The following UVRAG variants were observed in gnomAD, a reference collection of about 807,000 sequenced individuals.
UVRAG encodes the protein UV radiation resistance-associated gene protein.
In UVRAG, 19 loss-of-function variants were observed where a neutral mutation model predicts 78.0. The ratio of observed to expected loss-of-function variants is 0.24; its 90% CI spans 0.17 to 0.36. The LOEUF (loss-of-function observed/expected upper bound fraction) is 0.36, where lower values mean the gene tolerates loss of function less well. Ranked by LOEUF, UVRAG falls within the 10% of genes least tolerant of loss-of-function variation. The pLI, the probability that UVRAG is intolerant of heterozygous loss-of-function variation, is 1.00. For synonymous variants in UVRAG, 323 were observed against 324.6 expected (o/e 1.00, Z 0.05); for missense variants, 740 against 853.8 (o/e 0.87, Z 1.66).
At chr11:76,078,778 AAT>A (rs1951445515) in intron 13 of UVRAG, among the ~76,000 whole-genome samples, 2 of 145,560 alleles carry the variant, frequency 1.4e-5, no homozygotes, top group African/African-American at 5.3e-5. Context: ...AAAAAAAAAA[AAT>A]TAGCTGGGTG....
intron 1 of UVRAG, among the ~76,000 whole-genome samples, chr11:75,832,474 A>G (rs1411060954): frequency 6.6e-6 from 1 of 152,240 alleles, no homozygotes; most frequent in African/African-American, 2.4e-5. Context: ...ACCTGGGAAC[A>G]GCCAATGGAA....
chr11:76,103,536 GGTTTTT>G (rs1244494223), intron 13 of UVRAG, among the ~76,000 whole-genome samples: 1 of 135,842 alleles, frequency 7.4e-6, no homozygotes, highest in African/African-American at 3.0e-5. Flanking sequence ...TTGCTGTTTT[GGTTTTT>G]TTTTTTTTTT....
chr11:76,119,018 AG>A (rs1009715751), intron 14 of UVRAG, among the ~76,000 whole-genome samples: 2 of 152,200 alleles, frequency 1.3e-5, no homozygotes, highest in African/African-American at 4.8e-5. Context: ...TAATGCTTAC[AG>A]GTCTGTTTCT....
intron 14 of UVRAG, among the ~76,000 whole-genome samples, chr11:76,132,380 T>A (rs1489996453): frequency 6.6e-6 from 1 of 152,154 alleles, no homozygotes; most frequent in Non-Finnish European, 1.5e-5. Context: ...CAATCAAGAT[T>A]TAGTATTTTG....
chr11:75,899,189 A>G (rs574736292), intron 5 of UVRAG, among the ~76,000 whole-genome samples: 26 of 152,334 alleles, frequency 1.7e-4, no homozygotes, highest in African/African-American at 6.3e-4. Context: ...GCTTTATTAT[A>G]AAGCATCTAG....
At chr11:76,008,151 C>T (rs186300047) in intron 10 of UVRAG, among the ~76,000 whole-genome samples, 4 of 152,208 alleles carry the variant, frequency 2.6e-5, no homozygotes, top group Non-Finnish European at 4.4e-5. Flanking sequence ...ACCTCGTGAT[C>T]CACCCACCTC....
At chr11:76,066,182 T>G (rs1951182105) in intron 13 of UVRAG, among the ~76,000 whole-genome samples, 1 of 152,204 alleles carries the variant, frequency 6.6e-6, no homozygotes, top group South Asian at 2.1e-4. Context: ...CCTTTGCAAG[T>G]ACTTCATGGT....
In UVRAG at chr11:76,099,982, C is replaced by A. The variant is rs372118583; in HGVS notation, c.1306-15942C>A. Among the ~76,000 whole-genome samples, 47 of 152,108 alleles carry A rather than the reference C, an allele frequency of 3.1e-4. No individual in the cohort carries two copies. In the East Asian group the frequency reaches 8.7e-3, roughly 28 times the overall value. ...AACTGATTATGGTAGTAGTGAACATCTCTGTCTTATGCTGTGATTTTTGAC... is the reference window on the plus strand; with the variant it reads ...AACTGATTATGGTAGTAGTGAACATATCTGTCTTATGCTGTGATTTTTGAC... On this transcript the variant is annotated intron_variant, in intron 13 of 14. Transcript: ENST00000356136.
chr11:75,999,278 G>A (rs1196343751), intron 8 of UVRAG, among the ~76,000 whole-genome samples: 2 of 150,606 alleles, frequency 1.3e-5, no homozygotes, highest in East Asian at 3.9e-4. Flanking sequence ...AAAAATAATG[G>A]TGTTTGTGGG....
intron 3 of UVRAG, 63 bp from the exon 4 acceptor site, chr11:75,879,816 C>T: frequency 6.4e-7 from 1 of 1,554,014 alleles, no homozygotes; most frequent in Non-Finnish European, 8.7e-7. Context: ...GATTTGTCAC[C>T]TAATTGAAAT....
chr11:76,032,175 A>T (rs1196611386), intron 12 of UVRAG, among the ~76,000 whole-genome samples: 1 of 152,214 alleles, frequency 6.6e-6, no homozygotes, highest in Non-Finnish European at 1.5e-5. Context: ...TTAACTTCCA[A>T]AAGCATCTCA....
intron 13 of UVRAG, among the ~76,000 whole-genome samples, chr11:76,074,784 A>C (rs374025298): frequency 6.6e-6 from 1 of 152,188 alleles, no homozygotes; most frequent in East Asian, 1.9e-4. Flanking sequence ...GGGCATAGAC[A>C]ATTATCTGCA....
chr11:76,082,539 CAAAAAA>C (rs5792708), intron 13 of UVRAG, among the ~76,000 whole-genome samples: 2 of 101,696 alleles, frequency 2.0e-5, no homozygotes, highest in African/African-American at 8.2e-5. Context: ...GACTCCGTCC[CAAAAAA>C]AAAAAAAAAA....
At chr11:75,866,443 G>T (rs1946543535) in intron 3 of UVRAG, among the ~76,000 whole-genome samples, 1 of 152,002 alleles carries the variant, frequency 6.6e-6, no homozygotes, top group Non-Finnish European at 1.5e-5. Context: ...TGCTAGCTGG[G>T]AGGCTGAGGC....
intron 6 of UVRAG, among the ~76,000 whole-genome samples, chr11:75,929,257 A>G (rs1338703832): frequency 6.6e-6 from 1 of 152,228 alleles, no homozygotes; most frequent in African/African-American, 2.4e-5. Flanking sequence ...CAAGAAAAAG[A>G]ATGCTTGTTA....
chr11:76,143,155 G>A lies in UVRAG; in HGVS notation c.*1742G>A, dbSNP rs1319062484. 6.6e-6 allele frequency: 1 copy of A among 152,148 alleles called. No homozygotes were observed. Among genetic ancestry groups the A allele is most frequent in the African/African-American group, 2.4e-5 (1 of 41,378 alleles). The allele number at this position is 152,148 out of a possible 1,614,324, so 9.4% of individuals were successfully genotyped here. On this transcript the variant is annotated 3_prime_UTR_variant, in exon 15 of 15. Transcript: ENST00000356136. The stretch of plus-strand genomic sequence containing the variant: ...GCATCGTGGATATGCACGTGCTGCG[G>A]GGCCCTCCAGGGAAGTAACATTTAC...
intron 14 of UVRAG, among the ~76,000 whole-genome samples, chr11:76,139,218 A>G (rs1952656636): frequency 6.6e-6 from 1 of 152,176 alleles, no homozygotes; most frequent in Non-Finnish European, 1.5e-5. Flanking sequence ...TGAGACTGCA[A>G]GTATAATCCT....
intron 13 of UVRAG, among the ~76,000 whole-genome samples, chr11:76,066,983 A>G (rs1009142163): frequency 6.6e-6 from 1 of 152,194 alleles, no homozygotes; most frequent in African/African-American, 2.4e-5. Context: ...ACATGAACCT[A>G]ACGACTTGCT....
At chr11:76,110,719 G>A (rs1952053554) in intron 13 of UVRAG, among the ~76,000 whole-genome samples, 1 of 152,120 alleles carries the variant, frequency 6.6e-6, no homozygotes. Context: ...GATATAGGAT[G>A]CCTAGAGAGA....
Sources: gnomAD v4.1 joint callset for allele counts (sites outside exome capture counted in the v4.1 genomes callset) on GRCh38, gnomAD v4.1.1 for gene constraint, MANE v1.5 for transcripts, NCBI Gene and HGNC (gene_info 2026-07-23, HGNC 2026-07-21) for gene names.